SLC44A3: variants seen among roughly 807,000 people sequenced by gnomAD.
The protein encoded by SLC44A3 is solute carrier family 44 member 3.
A neutral mutation model predicts 75.4 loss-of-function variants in SLC44A3; 74 were observed. The observed-to-expected ratio is 0.98, with a 90% confidence interval of 0.81 to 1.19. The LOEUF (loss-of-function observed/expected upper bound fraction) is 1.19, where lower values mean the gene tolerates loss of function less well. Among genes scored for constraint, SLC44A3 ranks in the 50% most tolerant of loss-of-function variants. The pLI, the probability that SLC44A3 is intolerant of heterozygous loss-of-function variation, is 0.00. For missense variants in SLC44A3, 700 were observed against 778.6 expected, an observed-to-expected ratio of 0.90 and a Z score of 1.20; for synonymous variants, 310 against 296.9, an observed-to-expected ratio of 1.04 and a Z score of -0.45.
In SLC44A3 at chr1:94,892,399, A is replaced by C. The variant is rs773819577; in HGVS notation, c.1739A>C (p.His580Pro). The C allele has an allele frequency of 1.5e-5, 25 of 1,614,006 alleles. 1 individual carries two copies. The Admixed American group carries it at 4.0e-4, about 26-fold the overall frequency. The change falls in exon 14 of 15, where the codon CAT (histidine) becomes CCT (proline). Residue 580 changes from histidine to proline, a missense_variant. His to Pro is a moderately conservative substitution (Grantham distance 77). Transcript: ENST00000271227. ...LVAFFAYLVA[H>P]SFLSVFETVL... is the part of the protein sequence containing the mutation. ...GCTTTTTTTGCCTACTTAGTAGCCC[A>C]TAGTTTTTTATCTGTGTTTGAAACT...
At chr1:94,844,046 G>A (rs1032041961) in intron 8 of SLC44A3, among the ~76,000 whole-genome samples, 3 of 152,174 alleles carry the variant, frequency 2.0e-5, no homozygotes, top group Non-Finnish European at 4.4e-5. Flanking sequence ...ACTGTACTGG[G>A]CACTTTGCCA....
chr1:94,837,758 G>A lies in SLC44A3; in HGVS notation c.557G>A (p.Cys186Tyr), dbSNP rs376439902. 5 of 1,609,776 alleles carry A rather than the reference G, an allele frequency of 3.1e-6. No individual in the cohort carries two copies. The highest frequency in any genetic ancestry group is 4.2e-6 in the Non-Finnish European group (5 of 1,178,564). The change falls in exon 6 of 15, where the codon TGC (cysteine) becomes TAC (tyrosine). Residue 186 changes from cysteine to tyrosine, a missense_variant. By Grantham distance (194) the Cys-to-Tyr change is radical. Coordinates refer to ENST00000271227, the MANE Select transcript of SLC44A3 (RefSeq NM_001114106.3). ...FNRCVPQTPE[C>Y]YSLFASVLIN... ...CGATGTGTCCCTCAAACACCTGAGT[G>A]CTACTCCCTATTTGCATCTGTTTTG... is the stretch of plus-strand genomic sequence containing the variant.
chr1:94,822,863 A>T (rs928495359), intron 2 of SLC44A3, among the ~76,000 whole-genome samples: 1 of 152,226 alleles, frequency 6.6e-6, no homozygotes, highest in Non-Finnish European at 1.5e-5. Context: ...GTCATATAGA[A>T]TCGCAATTGC....
At position 94,820,999 on chromosome 1, in the gene SLC44A3, T is replaced by C. The variant is rs976615419; in HGVS notation, c.78T>C (p.Tyr26=). ...AAAGGGAGTGGCGACCCCAGATTTA[T>C]AGGAAATGCACAGATACGGCATGGT... is the stretch of plus-strand genomic sequence containing the variant. ...PRQREWRPQI[Y]RKCTDTAWLF... is the part of the protein sequence containing the mutation. Residue 26 remains tyrosine, a synonymous_variant, in exon 2 of 15, where the codon TAT becomes TAC. Coordinates refer to ENST00000271227, the MANE Select transcript of SLC44A3 (RefSeq NM_001114106.3). The C allele has an allele frequency of 1.9e-6, 3 of 1,551,606 alleles. No individual in the cohort carries two copies. The highest frequency in any genetic ancestry group is 2.0e-5 in the Admixed American group (1 of 51,004).
intron 14 of SLC44A3, 40 bp from the exon 15 acceptor site, chr1:94,894,778 G>C (rs928345855): frequency 6.5e-7 from 1 of 1,544,288 alleles, no homozygotes. Flanking sequence ...CAACAGTACA[G>C]ACACATAATA....
At position 94,891,059 on chromosome 1, in the gene SLC44A3, CTG is replaced by C. The variant is rs754223156; in HGVS notation, c.1483-69_1483-68del. On this transcript the variant is annotated intron_variant, in intron 12 of 14. Coordinates refer to ENST00000271227, the MANE Select transcript of SLC44A3 (RefSeq NM_001114106.3). ...ATTGTAACTCTAGTTTGCAAACACTCTGTATTAATATATTGCCTTAAAAACAA... is the reference window on the plus strand; with the variant it reads ...ATTGTAACTCTAGTTTGCAAACACTCTATTAATATATTGCCTTAAAAACAA... 485 of 1,363,894 alleles carry C rather than the reference CTG, an allele frequency of 3.6e-4. 2 individuals are homozygous for C. In the Middle Eastern group the frequency reaches 5.9e-3, roughly 17 times the overall value. 84.5% of individuals were successfully genotyped at this position (1,363,894 alleles called of 1,614,324 possible). A position where few individuals can be genotyped will look rare whatever the true frequency, so the allele number is the denominator to read the frequency against.
At chr1:94,859,438 C>T (rs951035425) in intron 10 of SLC44A3, among the ~76,000 whole-genome samples, 1 of 152,082 alleles carries the variant, frequency 6.6e-6, no homozygotes, top group African/African-American at 2.4e-5. Context: ...TGGAGCAGTG[C>T]CCTAAGCCCG....
At chr1:94,881,722 A>T (rs1256776876) in intron 12 of SLC44A3, among the ~76,000 whole-genome samples, 2 of 148,466 alleles carry the variant, frequency 1.3e-5, no homozygotes, top group East Asian at 4.0e-4. Context: ...AAAAGAACCA[A>T]TATTCTGCCG....
intron 10 of SLC44A3, among the ~76,000 whole-genome samples, chr1:94,863,968 A>G (rs17112530): frequency 0.048 from 7,319 of 152,258 alleles, 221 homozygotes; most frequent in African/African-American, 0.087. Context: ...TCTCAGAAAG[A>G]CCTTATTTTC....
chr1:94,857,631 A>G (rs1666051776), intron 10 of SLC44A3, 131 bp downstream of exon 10: 1 of 968,272 alleles, frequency 1.0e-6, no homozygotes, highest in Admixed American at 3.3e-5. Flanking sequence ...TAAAAGAGTA[A>G]GCTAAAATTT....
At chr1:94,861,631 A>G (rs75049749) in intron 10 of SLC44A3, among the ~76,000 whole-genome samples, 2,309 of 152,260 alleles carry the variant, frequency 0.015, 26 homozygotes, top group African/African-American at 0.029. Context: ...AAACCTCAAG[A>G]TTTTTCCTAA....
chr1:94,829,941 T>G (rs1407465313), intron 5 of SLC44A3, among the ~76,000 whole-genome samples: 1 of 152,204 alleles, frequency 6.6e-6, no homozygotes, highest in Admixed American at 6.5e-5. Context: ...CATTTACCCT[T>G]ATTACATATG....
In SLC44A3 at chr1:94,888,830, A is replaced by G. The variant is rs1256212164; in HGVS notation, c.1483-2300A>G. The G allele has an allele frequency of 9.6e-5, 47 of 487,590 alleles. 1 individual carries two copies. In the Admixed American group the frequency reaches 3.0e-3, roughly 31 times the overall value. 30.2% of individuals were successfully genotyped at this position (487,590 alleles called of 1,614,324 possible). A position where few individuals can be genotyped will look rare whatever the true frequency, so the allele number is the denominator to read the frequency against. On this transcript the variant is annotated intron_variant, in intron 12 of 14. Transcript: ENST00000271227. ...CTTCAACCTCTGCTTCCCGGGTTCA[A>G]GCGTTTCTCCTGCCTCAGCCTTCCC...
chr1:94,842,784 C>G (rs1299011081), intron 8 of SLC44A3, among the ~76,000 whole-genome samples: 1 of 152,260 alleles, frequency 6.6e-6, no homozygotes, highest in African/African-American at 2.4e-5. Context: ...TGCTTACTGA[C>G]TGTTCTGTGG....
rs779338508 is a variant in SLC44A3, at chr1:94,894,887, G to A, written c.1927G>A (p.Glu643Lys). The A allele has an allele frequency of 6.2e-7, 1 of 1,612,182 alleles. No homozygotes were observed. The highest frequency in any genetic ancestry group is 8.5e-7 in the Non-Finnish European group (1 of 1,178,814). ...GCAGGACAAGCACTCATTAAGGAAT[G>A]AGGAGGGAACAGAACTCCAGGCCAT... ...AQQDKHSLRN[E>K]EGTELQAIVR Residue 643 changes from glutamate (E) to lysine (K), a missense_variant, in exon 15 of 15, where the codon GAG (glutamate) becomes AAG (lysine). Physicochemically the swap from Glu to Lys is moderately conservative, Grantham distance 56 (BLOSUM62 1). Transcript: ENST00000271227.
chr1:94,894,141 A>C lies in SLC44A3; in HGVS notation c.1858-677A>C, dbSNP rs1240356729. Among the ~76,000 whole-genome samples the C allele has an allele frequency of 2.0e-5, 3 of 152,150 alleles. No homozygotes were observed. In the East Asian group the frequency reaches 5.8e-4, roughly 29 times the overall value. Reference sequence around the variant, plus strand: ...AATCCACCTTGAAATTTACCCCTTAAAATAGTTTTTTCAACAGAAGAAACT... The same window carrying C: ...AATCCACCTTGAAATTTACCCCTTACAATAGTTTTTTCAACAGAAGAAACT... On this transcript the variant is annotated intron_variant, in intron 14 of 14. Coordinates refer to ENST00000271227, the MANE Select transcript of SLC44A3 (RefSeq NM_001114106.3).
intron 9 of SLC44A3, among the ~76,000 whole-genome samples, chr1:94,856,125 C>T (rs183643761): frequency 4.3e-4 from 65 of 152,296 alleles, no homozygotes; most frequent in African/African-American, 1.5e-3. Context: ...AAAGTTGTTA[C>T]GGTGACCTTG....
intron 10 of SLC44A3, among the ~76,000 whole-genome samples, chr1:94,859,495 G>A (rs1208362443): frequency 6.6e-6 from 1 of 152,210 alleles, no homozygotes; most frequent in Admixed American, 6.5e-5. Context: ...GCTGCATGAG[G>A]AGGACAAATA....
chr1:94,870,578 A>G lies in SLC44A3; in HGVS notation c.1482+3161A>G, dbSNP rs1667647769. 2.0e-5 allele frequency among the ~76,000 whole-genome samples: 3 copies of G among 152,334 alleles called. No individual in the cohort carries two copies. The South Asian group carries it at 6.2e-4, about 32-fold the overall frequency. ...ACCCACTGGAGATCACCAGCTACTAACGACAGCAATAACAGCTGTGGGTAT... is the reference window on the plus strand; with the variant it reads ...ACCCACTGGAGATCACCAGCTACTAGCGACAGCAATAACAGCTGTGGGTAT... On this transcript the variant is annotated intron_variant, in intron 12 of 14. Coordinates refer to ENST00000271227, the MANE Select transcript of SLC44A3 (RefSeq NM_001114106.3).
Sources: gnomAD v4.1 joint callset for allele counts (sites outside exome capture counted in the v4.1 genomes callset) on GRCh38, gnomAD v4.1.1 for gene constraint, MANE v1.5 for transcripts, NCBI Gene and HGNC (gene_info 2026-07-23, HGNC 2026-07-21) for gene names.